The following CDH13 variants were observed in gnomAD, a reference collection of about 807,000 sequenced individuals.
The protein encoded by CDH13 is cadherin-13.
A neutral mutation model predicts 63.8 loss-of-function variants in CDH13; 24 were observed. That is an observed-to-expected ratio of 0.38 (90% CI 0.27 to 0.53). The LOEUF is 0.53. Among genes scored for constraint, CDH13 ranks in the 20% least tolerant of loss-of-function variants. CDH13 has a pLI of 0.85. For missense variants in CDH13, 1,049 were observed against 903.1 expected (o/e 1.16, Z -2.07); for synonymous variants, 503 against 355.3 (o/e 1.42, Z -4.67).
chr16:83,503,391 C>T (rs553591627), intron 7 of CDH13, among the ~76,000 whole-genome samples: 2 of 152,314 alleles, frequency 1.3e-5, no homozygotes, highest in East Asian at 1.9e-4. Context: ...GGTGGGATAA[C>T]AACACGCCAC....
chr16:82,983,078 TA>T (rs1910492930), intron 2 of CDH13, among the ~76,000 whole-genome samples: 1 of 152,174 alleles, frequency 6.6e-6, no homozygotes, highest in African/African-American at 2.4e-5. Flanking sequence ...CTATGGTTTT[TA>T]TTATCTTTCC....
intron 3 of CDH13, among the ~76,000 whole-genome samples, chr16:83,119,243 A>G (rs1272215411): frequency 2.0e-5 from 3 of 152,066 alleles, no homozygotes; most frequent in Non-Finnish European, 4.4e-5. Context: ...AACTCATCAG[A>G]TGGTTACGTT....
chr16:82,707,953 C>A (rs1451608743), intron 1 of CDH13, among the ~76,000 whole-genome samples: 1 of 152,144 alleles, frequency 6.6e-6, no homozygotes, highest in Non-Finnish European at 1.5e-5. Flanking sequence ...GCCTTTATGT[C>A]ATGTTTTGGT....
chr16:83,018,288 C>T (rs903560737), intron 2 of CDH13, among the ~76,000 whole-genome samples: 2 of 152,178 alleles, frequency 1.3e-5, no homozygotes, highest in Non-Finnish European at 2.9e-5. Context: ...GTCTAAGCTT[C>T]TAGACGCTAA....
intron 4 of CDH13, among the ~76,000 whole-genome samples, chr16:83,141,330 A>G (rs1030327699): frequency 2.0e-5 from 3 of 152,142 alleles, no homozygotes; most frequent in African/African-American, 4.8e-5. Flanking sequence ...TTGTCCTAGG[A>G]ATGGCTGCCC....
chr16:82,927,371 A>C (rs2042337862), intron 2 of CDH13, among the ~76,000 whole-genome samples: 1 of 152,166 alleles, frequency 6.6e-6, no homozygotes, highest in Non-Finnish European at 1.5e-5. Flanking sequence ...CTATTTTGGG[A>C]AAATTCAGTC....
At chr16:83,779,438 AGT>A (rs1915362096) in intron 11 of CDH13, among the ~76,000 whole-genome samples, 21 of 143,494 alleles carry the variant, frequency 1.5e-4, no homozygotes, top group East Asian at 4.1e-4. Flanking sequence ...AAAAAAAAAA[AGT>A]CTTATATATG....
At chr16:83,753,044 T>G (rs1005648391) in intron 11 of CDH13, among the ~76,000 whole-genome samples, 2 of 152,118 alleles carry the variant, frequency 1.3e-5, no homozygotes, top group African/African-American at 4.8e-5. Context: ...TAATGGTAAA[T>G]AGAAACCAGG....
intron 2 of CDH13, among the ~76,000 whole-genome samples, chr16:82,979,996 A>G (rs1285614820): frequency 6.6e-6 from 1 of 152,192 alleles, no homozygotes; most frequent in East Asian, 1.9e-4. Flanking sequence ...TCATTAATGG[A>G]ATATTTTATA....
intron 3 of CDH13, among the ~76,000 whole-genome samples, chr16:83,090,153 G>C (rs561374953): frequency 9.9e-5 from 15 of 152,254 alleles, no homozygotes; most frequent in African/African-American, 3.6e-4. Context: ...CCAGGTCCCA[G>C]CTTCTCCACT....
intron 1 of CDH13, among the ~76,000 whole-genome samples, chr16:82,767,843 C>T (rs2035115959): frequency 6.6e-6 from 1 of 152,200 alleles, no homozygotes; most frequent in Non-Finnish European, 1.5e-5. Flanking sequence ...GGTGGGAGCA[C>T]TGGCACTGAG....
chr16:83,005,948 T>A (rs1295157690), intron 2 of CDH13, among the ~76,000 whole-genome samples: 2 of 152,200 alleles, frequency 1.3e-5, no homozygotes, highest in Non-Finnish European at 2.9e-5. Flanking sequence ...GTTGGTTGGT[T>A]TTGTTCACTT....
chr16:83,494,538 G>C (rs749701628), intron 7 of CDH13, among the ~76,000 whole-genome samples: 3 of 152,170 alleles, frequency 2.0e-5, no homozygotes, highest in Non-Finnish European at 2.9e-5. Flanking sequence ...GCCATATGGA[G>C]AATGACCATC....
In CDH13 at chr16:83,647,345, C is replaced by G. The variant is rs1263724560; in HGVS notation, c.1102-23445C>G. 7.2e-5 allele frequency among the ~76,000 whole-genome samples: 11 copies of G among 151,758 alleles called. No individual in the cohort carries two copies. In the South Asian group the frequency reaches 2.1e-3, roughly 29 times the overall value. ...AAAAAAAAAAAAATTACACTAGCAT[C>G]CACTCTTACCCTACCTGTAGGAAGT... On this transcript the variant is annotated intron_variant, in intron 8 of 13. Transcript: ENST00000567109.
At chr16:83,401,474 T>C (rs990530872) in intron 6 of CDH13, among the ~76,000 whole-genome samples, 2 of 152,140 alleles carry the variant, frequency 1.3e-5, no homozygotes, top group Middle Eastern at 3.2e-3. Context: ...ATCGCATCAC[T>C]GCACTCCAGC....
chr16:83,509,001 C>T (rs1380790967), intron 7 of CDH13, among the ~76,000 whole-genome samples: 3 of 152,158 alleles, frequency 2.0e-5, no homozygotes, highest in Non-Finnish European at 2.9e-5. Flanking sequence ...GCATGAGTGC[C>T]TGTGGGGTCT....
intron 6 of CDH13, among the ~76,000 whole-genome samples, chr16:83,458,132 C>T (rs1206629363): frequency 1.3e-5 from 2 of 152,168 alleles, no homozygotes; most frequent in African/African-American, 2.4e-5. Flanking sequence ...CAGGGCTTTC[C>T]TCGTCTGCTG....
At chr16:82,873,491 T>C (rs7184056) in intron 2 of CDH13, among the ~76,000 whole-genome samples, 2 of 151,908 alleles carry the variant, frequency 1.3e-5, no homozygotes, top group Admixed American at 1.3e-4. Context: ...GGGGTGTCCT[T>C]GATAGTTTCA....
chr16:82,897,323 G>C (rs948707264), intron 2 of CDH13, among the ~76,000 whole-genome samples: 1 of 151,968 alleles, frequency 6.6e-6, no homozygotes, highest in African/African-American at 2.4e-5. Context: ...AGATCTGTGA[G>C]GTGCATTTCC....
Sources: allele counts gnomAD v4.1 joint callset (sites outside exome capture counted in the v4.1 genomes callset), GRCh38; gene constraint gnomAD v4.1.1; transcripts MANE v1.5; gene names NCBI Gene and HGNC (gene_info 2026-07-23, HGNC 2026-07-21).